The following MICU2 variants were observed in gnomAD, a reference collection of about 807,000 sequenced individuals.
MICU2 encodes mitochondrial calcium uptake 2, also known as calcium uptake protein 2, mitochondrial.
Under a neutral mutation model 60.4 loss-of-function variants are expected in MICU2, and 64 were observed. The ratio of observed to expected loss-of-function variants is 1.06; its 90% CI spans 0.87 to 1.31. The LOEUF (loss-of-function observed/expected upper bound fraction) is 1.31. MICU2 is among the 50% of genes most tolerant of loss of function. The pLI is 0.00. For synonymous variants in MICU2, 201 were observed against 175.0 expected, an observed-to-expected ratio of 1.15 and a Z score of -1.17; for missense variants, 569 against 531.0, an observed-to-expected ratio of 1.07 and a Z score of -0.70.
At chr13:21,597,848 G>A (rs1441752984) in intron 1 of MICU2, among the ~76,000 whole-genome samples, 1 of 147,598 alleles carries the variant, frequency 6.8e-6, no homozygotes, top group African/African-American at 2.5e-5. Context: ...GGAGAATGGC[G>A]TGAACCCAGG....
intron 4 of MICU2, chr13:21,530,752 A>AC: frequency 1.8e-6 from 1 of 563,108 alleles, no homozygotes; most frequent in Non-Finnish European, 3.2e-6. Context: ...AGCAGCCCCC[A>AC]CCCCAGCCAT....
intron 6 of MICU2, among the ~76,000 whole-genome samples, chr13:21,517,343 A>G (rs1047307213): frequency 6.6e-6 from 1 of 152,230 alleles, no homozygotes; most frequent in Non-Finnish European, 1.5e-5. Flanking sequence ...CTTTTGTAGT[A>G]CATATATGGT....
At chr13:21,601,128 AG>A (rs1888806226) in intron 1 of MICU2, among the ~76,000 whole-genome samples, 2 of 152,178 alleles carry the variant, frequency 1.3e-5, no homozygotes, top group South Asian at 2.1e-4. Context: ...GGGCCGCGTC[AG>A]GAAGAGTTTA....
At chr13:21,574,671 AAT>A (rs955970874) in intron 1 of MICU2, among the ~76,000 whole-genome samples, 1 of 152,098 alleles carries the variant, frequency 6.6e-6, no homozygotes, top group Admixed American at 6.5e-5. Context: ...TATAGCTTTC[AAT>A]ATATATATAC....
At chr13:21,552,526 T>C (rs1253661295) in intron 2 of MICU2, among the ~76,000 whole-genome samples, 1 of 152,174 alleles carries the variant, frequency 6.6e-6, no homozygotes, top group African/African-American at 2.4e-5. Context: ...CTGAATGGTA[T>C]TGCCTAGGTT....
intron 1 of MICU2, among the ~76,000 whole-genome samples, chr13:21,574,779 CTT>C (rs1227377432): frequency 2.0e-5 from 3 of 152,152 alleles, no homozygotes; most frequent in Non-Finnish European, 4.4e-5. Context: ...GCTCTGTTGT[CTT>C]TGAACTTTCT....
chr13:21,584,725 T>C (rs1468898803), intron 1 of MICU2, among the ~76,000 whole-genome samples: 1 of 152,206 alleles, frequency 6.6e-6, no homozygotes, highest in Non-Finnish European at 1.5e-5. Context: ...ATGAAGTTAT[T>C]GAGACAATAT....
chr13:21,522,156 G>GT (rs1387255525), intron 5 of MICU2, among the ~76,000 whole-genome samples: 8 of 152,156 alleles, frequency 5.3e-5, no homozygotes, highest in Non-Finnish European at 1.5e-5. Context: ...TGGGTTTTAT[G>GT]TTTTTTCACT....
chr13:21,584,459 G>C (rs1166903738), intron 1 of MICU2, among the ~76,000 whole-genome samples: 1 of 151,636 alleles, frequency 6.6e-6, no homozygotes, highest in Non-Finnish European at 1.5e-5. Flanking sequence ...GGACAAAGAT[G>C]CCTGCGATCT....
intron 8 of MICU2, among the ~76,000 whole-genome samples, chr13:21,507,575 G>A (rs1448214203): frequency 6.6e-6 from 1 of 151,870 alleles, no homozygotes; most frequent in African/African-American, 2.4e-5. Flanking sequence ...GGGATTAGTG[G>A]GGTTAGAAAA....
chr13:21,539,478 T>C, intron 3 of MICU2, 101 bp from the exon 4 acceptor site: 1 of 1,340,386 alleles, frequency 7.5e-7, no homozygotes, highest in Admixed American at 2.1e-5. Flanking sequence ...TCTTTTTGTA[T>C]TTTTAGTAGA....
chr13:21,570,578 G>T (rs1193357127), intron 1 of MICU2, among the ~76,000 whole-genome samples: 1 of 152,178 alleles, frequency 6.6e-6, no homozygotes, highest in East Asian at 1.9e-4. Flanking sequence ...TGTAATAAAA[G>T]TCTGTTTTTT....
chr13:21,536,434 C>G (rs1887133123), intron 4 of MICU2, among the ~76,000 whole-genome samples: 1 of 151,986 alleles, frequency 6.6e-6, no homozygotes, highest in Non-Finnish European at 1.5e-5. Flanking sequence ...CTCAAGCGAT[C>G]CTGTCACCTC....
chr13:21,543,350 AG>A (rs1475934806), intron 2 of MICU2, among the ~76,000 whole-genome samples: 5 of 152,176 alleles, frequency 3.3e-5, no homozygotes, highest in Non-Finnish European at 7.4e-5. Context: ...AGAAAAATAA[AG>A]GGCATCCAAA....
chr13:21,516,793 T>C (rs1489608813), intron 6 of MICU2, among the ~76,000 whole-genome samples: 5 of 152,204 alleles, frequency 3.3e-5, no homozygotes, highest in African/African-American at 4.8e-5. Flanking sequence ...TAAAAATAAC[T>C]CTAGCAGGTG....
intron 2 of MICU2, among the ~76,000 whole-genome samples, chr13:21,562,358 C>T (rs1374702083): frequency 6.6e-6 from 1 of 152,182 alleles, no homozygotes; most frequent in Non-Finnish European, 1.5e-5. Context: ...AAACCACATG[C>T]ATAAAATACA....
chr13:21,531,382 G>C, intron 4 of MICU2: 1 of 1,182,810 alleles, frequency 8.5e-7, no homozygotes, highest in East Asian at 2.3e-5. Flanking sequence ...GGACCCTGCA[G>C]GAGTTTAAAA....
intron 1 of MICU2, among the ~76,000 whole-genome samples, chr13:21,599,187 A>C (rs1888761956): frequency 6.6e-6 from 1 of 152,230 alleles, no homozygotes; most frequent in Non-Finnish European, 1.5e-5. Flanking sequence ...GTTGGGGACC[A>C]CTGCCTTAAC....
intron 1 of MICU2, among the ~76,000 whole-genome samples, chr13:21,586,422 T>C (rs1888458457): frequency 6.6e-6 from 1 of 152,196 alleles, no homozygotes; most frequent in Non-Finnish European, 1.5e-5. Context: ...TGTTTGTTTT[T>C]TTAAAGATAG....
Sources: gnomAD v4.1 joint callset for allele counts (sites outside exome capture counted in the v4.1 genomes callset) on GRCh38, gnomAD v4.1.1 for gene constraint, MANE v1.5 for transcripts, NCBI Gene and HGNC (gene_info 2026-07-23, HGNC 2026-07-21) for gene names.